The following PAPPA2 variants were observed in gnomAD, a reference collection of about 807,000 sequenced individuals.
PAPPA2 encodes pappalysin 2.
In PAPPA2, 86 loss-of-function variants were observed where a neutral mutation model predicts 176.4. The ratio of observed to expected loss-of-function variants is 0.49; its 90% CI spans 0.41 to 0.58. PAPPA2 has a LOEUF of 0.58. Ranked by LOEUF, PAPPA2 falls within the 20% of genes least tolerant of loss-of-function variation. The pLI, the probability that PAPPA2 is intolerant of heterozygous loss-of-function variation, is 0.00. For synonymous variants in PAPPA2, 809 were observed against 852.2 expected (o/e 0.95, Z 0.88); for missense variants, 2,073 against 2,256.9 (o/e 0.92, Z 1.65).
chr1:176,783,525 G>T (rs1664805555), intron 17 of PAPPA2, among the ~76,000 whole-genome samples: 1 of 152,196 alleles, frequency 6.6e-6, no homozygotes, highest in Non-Finnish European at 1.5e-5. Flanking sequence ...TGGGTTTTCA[G>T]CATTAGGTGG....
intron 3 of PAPPA2, among the ~76,000 whole-genome samples, chr1:176,642,826 A>T (rs1427086542): frequency 1.3e-5 from 2 of 151,980 alleles, no homozygotes; most frequent in Non-Finnish European, 2.9e-5. Context: ...AATCTTCTCC[A>T]TTGAGATATT....
chr1:176,468,198 T>C (rs1185314458), intron 1 of PAPPA2, among the ~76,000 whole-genome samples: 1 of 152,204 alleles, frequency 6.6e-6, no homozygotes. Context: ...CTGAGATTCT[T>C]CCATCCTGGA....
chr1:176,694,259 A>G (rs1187551230), intron 6 of PAPPA2, among the ~76,000 whole-genome samples: 1 of 152,196 alleles, frequency 6.6e-6, no homozygotes, highest in African/African-American at 2.4e-5. Context: ...TGCTGATTGG[A>G]GTCAGAGGTT....
chr1:176,676,298 C>T (rs560794299), intron 4 of PAPPA2, among the ~76,000 whole-genome samples: 1 of 152,150 alleles, frequency 6.6e-6, no homozygotes, highest in East Asian at 1.9e-4. Flanking sequence ...TTCATAGCAG[C>T]TTTCTATTTT....
intron 3 of PAPPA2, among the ~76,000 whole-genome samples, chr1:176,641,934 A>G (rs979058042): frequency 4.6e-5 from 7 of 151,964 alleles, no homozygotes; most frequent in African/African-American, 1.7e-4. Context: ...CATCAAAGCC[A>G]GTTCAAATAG....
chr1:176,620,292 C>G (rs1655511964), intron 3 of PAPPA2, among the ~76,000 whole-genome samples: 1 of 151,828 alleles, frequency 6.6e-6, no homozygotes, highest in Non-Finnish European at 1.5e-5. Context: ...TTTTCGGAGA[C>G]AGGGGAGAGA....
chr1:176,812,277 A>C (rs1666186711), intron 21 of PAPPA2, among the ~76,000 whole-genome samples: 1 of 150,760 alleles, frequency 6.6e-6, no homozygotes, highest in Non-Finnish European at 1.5e-5. Flanking sequence ...CCAGACTTGC[A>C]GATAATTTAA....
chr1:176,487,617 GA>G (rs1472058326), intron 1 of PAPPA2, among the ~76,000 whole-genome samples: 5 of 152,170 alleles, frequency 3.3e-5, no homozygotes, highest in Non-Finnish European at 7.4e-5. Context: ...AATTAGGCTG[GA>G]TTGGTTCACC....
chr1:176,655,251 C>T (rs1374487332), intron 3 of PAPPA2, among the ~76,000 whole-genome samples: 2 of 151,732 alleles, frequency 1.3e-5, no homozygotes, highest in Non-Finnish European at 2.9e-5. Flanking sequence ...TCCGTCTATG[C>T]CTAGTTTGCT....
chr1:176,602,679 A>C (rs1654395679), intron 3 of PAPPA2, among the ~76,000 whole-genome samples: 1 of 152,164 alleles, frequency 6.6e-6, no homozygotes, highest in Admixed American at 6.5e-5. Flanking sequence ...GGCAGGAAGA[A>C]AAGAAGTGGA....
intron 1 of PAPPA2, among the ~76,000 whole-genome samples, chr1:176,545,629 C>T (rs936628429): frequency 2.0e-5 from 3 of 152,072 alleles, no homozygotes; most frequent in Admixed American, 1.3e-4. Flanking sequence ...GCCAATACTA[C>T]ATCATTTTAT....
At chr1:176,769,195 C>G (rs1664109444) in intron 15 of PAPPA2, among the ~76,000 whole-genome samples, 1 of 152,188 alleles carries the variant, frequency 6.6e-6, no homozygotes, top group Admixed American at 6.5e-5. Context: ...ACCCTGGCCT[C>G]CCTCTTCTCC....
chr1:176,704,463 A>G (rs527537442), intron 9 of PAPPA2, among the ~76,000 whole-genome samples: 16 of 152,262 alleles, frequency 1.1e-4, no homozygotes, highest in Admixed American at 2.6e-4. Context: ...TGAAATTATA[A>G]ACAGTATTCA....
chr1:176,634,978 G>GATAC (rs1656608025), intron 3 of PAPPA2, among the ~76,000 whole-genome samples: 1 of 149,602 alleles, frequency 6.7e-6, no homozygotes, highest in East Asian at 2.0e-4. Flanking sequence ...TAGATAGATA[G>GATAC]ATAGATAGAT....
At chr1:176,702,483 G>T in intron 8 of PAPPA2, 124 bp from the exon 9 acceptor site, 1 of 1,359,196 alleles carries the variant, frequency 7.4e-7, no homozygotes, top group Non-Finnish European at 9.9e-7. Flanking sequence ...AGACAATGCA[G>T]CGTATGTTTA....
Position 176,842,510 on chromosome 1 carries a change from G to C in PAPPA2, c.*56G>C, listed in dbSNP as rs1448534970. The C allele has an allele frequency of 3.4e-6, 5 of 1,459,088 alleles. No individual in the cohort carries two copies. The highest frequency in any genetic ancestry group is 1.4e-5 in the African/African-American group (1 of 71,242). 90.4% of individuals were successfully genotyped at this position (1,459,088 alleles called of 1,614,324 possible). A position where few individuals can be genotyped will look rare whatever the true frequency, so the allele number is the denominator to read the frequency against. On this transcript the variant is annotated 3_prime_UTR_variant, in exon 23 of 23. Transcript: ENST00000367662. ...TCAGAGGCAGTAAGAAAGAGAGGCC[G>C]ACCCAGGAGGAAACAAAGGGTGAAT...
At chr1:176,724,005 G>T (rs1004801665) in intron 12 of PAPPA2, among the ~76,000 whole-genome samples, 2 of 152,066 alleles carry the variant, frequency 1.3e-5, no homozygotes, top group African/African-American at 4.8e-5. Flanking sequence ...CATCACTCAA[G>T]AATAAAATAA....
At chr1:176,646,552 C>T (rs1657409760) in intron 3 of PAPPA2, among the ~76,000 whole-genome samples, 1 of 149,880 alleles carries the variant, frequency 6.7e-6, no homozygotes, top group South Asian at 2.1e-4. Context: ...ATCCCCCCAC[C>T]TGACCCCCAC....
intron 2 of PAPPA2, among the ~76,000 whole-genome samples, chr1:176,562,177 A>G (rs1358219146): frequency 6.6e-6 from 1 of 152,180 alleles, no homozygotes; most frequent in African/African-American, 2.4e-5. Flanking sequence ...CATTATGTAT[A>G]AAACCTATTG....
Sources: allele counts gnomAD v4.1 joint callset (sites outside exome capture counted in the v4.1 genomes callset), GRCh38; gene constraint gnomAD v4.1.1; transcripts MANE v1.5; gene names NCBI Gene and HGNC (gene_info 2026-07-23, HGNC 2026-07-21).